The following PRKCG variants were observed in gnomAD, a reference collection of about 807,000 sequenced individuals.
The protein encoded by PRKCG is protein kinase C gamma.
In PRKCG, 28 loss-of-function variants were observed where a neutral mutation model predicts 82.0. That is an observed-to-expected ratio of 0.34 (90% confidence interval 0.25 to 0.47). The LOEUF is 0.47. Among genes scored for constraint, PRKCG ranks in the 20% least tolerant of loss-of-function variants. The pLI is 1.00. For synonymous variants in PRKCG, 383 were observed against 376.6 expected (o/e 1.02, Z -0.20); for missense variants, 640 against 952.7 (o/e 0.67, Z 4.32).
intron 16 of PRKCG, among the ~76,000 whole-genome samples, chr19:53,905,667 C>T (rs1163317253): frequency 7.0e-6 from 1 of 143,582 alleles, no homozygotes; most frequent in Non-Finnish European, 1.5e-5. Flanking sequence ...CCCTCTTCCC[C>T]TTCATCTCCT....
At chr19:53,899,095 G>A (rs556770103) in intron 11 of PRKCG, among the ~76,000 whole-genome samples, 1 of 151,018 alleles carries the variant, frequency 6.6e-6, no homozygotes, top group African/African-American at 2.4e-5. Flanking sequence ...GCGTATCCAG[G>A]CAGGTAGATT....
intron 10 of PRKCG, 87 bp from the exon 11 acceptor site, chr19:53,898,353 C>T (rs2068732603): frequency 6.5e-7 from 1 of 1,540,054 alleles, no homozygotes; most frequent in East Asian, 2.3e-5. Flanking sequence ...CCTGGGATCC[C>T]GTTTCCCTGC....
chr19:53,894,751 C>T (rs924655833), intron 9 of PRKCG, among the ~76,000 whole-genome samples: 4 of 152,208 alleles, frequency 2.6e-5, no homozygotes, highest in Non-Finnish European at 4.4e-5. Flanking sequence ...TGAGCGACCA[C>T]GCCCAGACGA....
chr19:53,900,009 G>T lies in PRKCG; in HGVS notation c.1282-224G>T, dbSNP rs978559839. On this transcript the variant is annotated intron_variant, in intron 11 of 17. Coordinates refer to ENST00000263431, the MANE Select transcript of PRKCG (RefSeq NM_002739.5). This position sits in a 1 kb window ranked among gnomAD's most constrained non-coding sequence, Gnocchi z 4.2. Reference sequence around the variant, plus strand: ...CTTCAGTCTTCAATTCTGAGAAGGCGGGGCCAGAACACGTGGTCTGATAGT... The same window carrying T: ...CTTCAGTCTTCAATTCTGAGAAGGCTGGGCCAGAACACGTGGTCTGATAGT... Among the ~76,000 whole-genome samples, 5 of 152,126 alleles carry T rather than the reference G, an allele frequency of 3.3e-5. No individual in the cohort carries two copies. Among genetic ancestry groups the T allele is most frequent in the African/African-American group, 1.2e-4 (5 of 41,426 alleles).
intron 16 of PRKCG, among the ~76,000 whole-genome samples, chr19:53,906,041 CCCTCCTCCTCCT>C (rs1207027776): frequency 3.0e-4 from 10 of 32,926 alleles, no homozygotes; most frequent in South Asian, 2.7e-3. Context: ...TCCTCCTCCT[CCCTCCTCCTCCT>C]CCTCCTCCTC....
chr19:53,892,949 AT>A lies in PRKCG; in HGVS notation c.822-38del, dbSNP rs1568755522. The A allele has an allele frequency of 3.8e-6, 6 of 1,587,406 alleles. No homozygotes were observed. The highest frequency in any genetic ancestry group is 5.2e-6 in the Non-Finnish European group (6 of 1,157,438). On this transcript the variant is annotated intron_variant, in intron 7 of 17. Transcript: ENST00000263431. The surrounding 1 kb of genome is among the most constrained non-coding windows in gnomAD (Gnocchi z 5.9). ...TCTTTGCCTCTCCCATGGGTGCCCCATCCCCGCTGCCCGCCTCTGGTCTCCG... is the reference window on the plus strand; with the variant it reads ...TCTTTGCCTCTCCCATGGGTGCCCCACCCCGCTGCCCGCCTCTGGTCTCCG...
chr19:53,884,092 C>T lies in PRKCG; in HGVS notation c.203-69C>T, dbSNP rs2068613780. Reference sequence around the variant, plus strand: ...AGTTCCGCTCTCTCTTTCCAATTTTCTGTCTGCTGGGGTCTCCCGCTGGAC... The same window carrying T: ...AGTTCCGCTCTCTCTTTCCAATTTTTTGTCTGCTGGGGTCTCCCGCTGGAC... On this transcript the variant is annotated intron_variant, in intron 2 of 17. Transcript: ENST00000263431. The surrounding 1 kb of genome is among the most constrained non-coding windows in gnomAD (Gnocchi z 4.6). The T allele has an allele frequency of 2.0e-6, 3 of 1,487,960 alleles. No individual in the cohort carries two copies. The Admixed American group carries it at 5.0e-5, about 25-fold the overall frequency. 92.2% of individuals were successfully genotyped at this position (1,487,960 alleles called of 1,614,324 possible).
Position 53,883,272 on chromosome 19 carries a change from C to T in PRKCG, c.202+78C>T. 2 of 1,549,014 alleles carry T rather than the reference C, an allele frequency of 1.3e-6. No individual in the cohort carries two copies. The highest frequency in any genetic ancestry group is 8.9e-7 in the Non-Finnish European group (1 of 1,123,544). On this transcript the variant is annotated intron_variant, in intron 2 of 17. Transcript: ENST00000263431. The surrounding 1 kb of genome is among the most constrained non-coding windows in gnomAD (Gnocchi z 5.4). The stretch of plus-strand genomic sequence containing the variant: ...GCCCCACAGCTGAGGCTGCTTGACA[C>T]ACGTGTTCTCTGGTCCCCAGAGAGG...
At chr19:53,902,764 G>A (rs982274397) in intron 14 of PRKCG, among the ~76,000 whole-genome samples, 6 of 151,470 alleles carry the variant, frequency 4.0e-5, no homozygotes, top group African/African-American at 1.2e-4. Context: ...GTGTGGTGGT[G>A]CACACCTGTA....
At position 53,900,729 on chromosome 19, in the gene PRKCG, C is replaced by G. The variant is rs2068757522; in HGVS notation, c.1555C>G (p.Pro519Ala). 1 of 1,614,214 alleles carries G rather than the reference C, an allele frequency of 6.2e-7. No homozygotes were observed. The highest frequency in any genetic ancestry group is 2.2e-5 in the East Asian group (1 of 44,894). The change falls in exon 14 of 18, where the codon CCG becomes GCG. Residue 519 changes from proline (P) to alanine (A), a missense_variant. Pro to Ala is a conservative substitution (Grantham distance 27). This residue lies in a region of PRKCG where 198 missense variants were observed against 273.4 expected (regional missense o/e 0.72). Transcript: ENST00000263431. The surrounding 1 kb of genome is among the most constrained non-coding windows in gnomAD (Gnocchi z 4.2). ...GACAACCCGCACCTTCTGCGGGACC[C>G]CGGACTACATAGCCCCGGAGGTAAC... Reference protein sequence around the residue: ...GTTTRTFCGTPDYIAPEIIAY... With the variant: ...GTTTRTFCGTADYIAPEIIAY...
At chr19:53,881,535 C>CCA (rs2068589449), upstream of PRKCG, among the ~76,000 whole-genome samples, 1 of 151,964 alleles carries the variant, frequency 6.6e-6, no homozygotes, top group East Asian at 1.9e-4. Context: ...GACTGATTCA[C>CCA]AGTGAGGCAG....
chr19:53,891,001 C>A (rs548611885), intron 5 of PRKCG, among the ~76,000 whole-genome samples: 2 of 152,112 alleles, frequency 1.3e-5, no homozygotes, highest in South Asian at 4.1e-4. Context: ...ATCCGCCCGC[C>A]TCCGCCTCCC....
intron 9 of PRKCG, among the ~76,000 whole-genome samples, chr19:53,896,986 A>C (rs1178333501): frequency 6.6e-6 from 1 of 152,110 alleles, no homozygotes; most frequent in Non-Finnish European, 1.5e-5. Flanking sequence ...TTTGGGAGAC[A>C]ACTAGGAGGG....
At position 53,907,051 on chromosome 19, in the gene PRKCG, C is replaced by A; in HGVS notation, c.*156C>A. 1 of 1,501,592 alleles carries A rather than the reference C, an allele frequency of 6.7e-7. No homozygotes were observed. The highest frequency in any genetic ancestry group is 8.9e-7 in the Non-Finnish European group (1 of 1,121,074). 93.0% of individuals were successfully genotyped at this position (1,501,592 alleles called of 1,614,324 possible). On this transcript the variant is annotated 3_prime_UTR_variant, in exon 18 of 18. Transcript: ENST00000263431. ...GCGGGTTCTAGACGCCCCTCCCAAG[C>A]GTTCCTGGCCTTCTGAACTCCATAC...
At chr19:53,906,001 C>G (rs1203465644) in intron 16 of PRKCG, among the ~76,000 whole-genome samples, 1 of 119,228 alleles carries the variant, frequency 8.4e-6, no homozygotes, top group Admixed American at 7.7e-5. Context: ...CTCTGTCTCT[C>G]TCTGTCTCGC....
rs1381333921 is a variant in PRKCG, at chr19:53,900,266, G to A, written c.1315G>A (p.Gly439Arg). 1.2e-6 allele frequency: 2 copies of A among 1,614,072 alleles called. No homozygotes were observed. The highest frequency in any genetic ancestry group is 8.5e-7 in the Non-Finnish European group (1 of 1,180,000). Reference protein sequence around the residue: ...RLYFVMEYVTGGDLMYHIQQL... With the variant: ...RLYFVMEYVTRGDLMYHIQQL... ...GTATTTCGTGATGGAGTACGTCACC[G>A]GGGGAGACTTGATGTACCACATTCA... The change falls in exon 12 of 18, where the codon GGG (glycine) becomes AGG (arginine). Residue 439 changes from glycine (G) to arginine (R), a missense_variant. Around this residue, in one of 7 missense-constraint regions of PRKCG, gnomAD observed 78 missense variants for 105.6 expected, o/e 0.74. Coordinates refer to ENST00000263431, the MANE Select transcript of PRKCG (RefSeq NM_002739.5). This position sits in a 1 kb window ranked among gnomAD's most constrained non-coding sequence, Gnocchi z 4.2.
chr19:53,885,926 T>G (rs948699232), intron 3 of PRKCG, among the ~76,000 whole-genome samples: 2 of 151,584 alleles, frequency 1.3e-5, no homozygotes, highest in East Asian at 2.0e-4. Flanking sequence ...AAGATTTTTT[T>G]TTTTGTTTTT....
Position 53,906,078 on chromosome 19 carries a change from C to CTTCTTCTTCTT in PRKCG, c.1765-239_1765-238insTTCTTCTTCTT, listed in dbSNP as rs1568763958. Among the ~76,000 whole-genome samples the CTTCTTCTTCTT allele has an allele frequency of 2.1e-4, 9 of 43,778 alleles. 1 individual carries two copies. The highest frequency in any genetic ancestry group is 3.4e-4 in the African/African-American group (1 of 2,946). The allele number at this position is 43,778 out of a possible 152,430, so 28.7% of individuals were successfully genotyped here. A position where few individuals can be genotyped will look rare whatever the true frequency, so the allele number is the denominator to read the frequency against. ...TCCTCCTCCTCCTCCTCCTCCTCCT[C>CTTCTTCTTCTT]CTCCTCCTTCTTCTTCTTCTTCTTC... is the stretch of plus-strand genomic sequence containing the variant. On this transcript the variant is annotated intron_variant, in intron 16 of 17. Coordinates refer to ENST00000263431, the MANE Select transcript of PRKCG (RefSeq NM_002739.5).
chr19:53,896,643 C>T (rs2068720383), intron 9 of PRKCG, among the ~76,000 whole-genome samples: 1 of 152,144 alleles, frequency 6.6e-6, no homozygotes, highest in South Asian at 2.1e-4. Flanking sequence ...TGGTCTTGAA[C>T]TCCTGACCTC....
Sources: allele counts gnomAD v4.1 joint callset (sites outside exome capture counted in the v4.1 genomes callset), GRCh38; gene constraint gnomAD v4.1.1; regional missense constraint gnomAD v4.1.1; non-coding constraint Gnocchi (gnomAD v3.1); transcripts MANE v1.5; gene names NCBI Gene and HGNC (gene_info 2026-07-23, HGNC 2026-07-21).